Variants in MCM9 observed in about 807,000 individuals in gnomAD.
The protein encoded by MCM9 is minichromosome maintenance 9 homologous recombination repair factor.
Under a neutral mutation model 72.8 loss-of-function variants are expected in MCM9, and 55 were observed. The ratio of observed to expected loss-of-function variants is 0.76; its 90% CI spans 0.61 to 0.95. The LOEUF (loss-of-function observed/expected upper bound fraction) is 0.95, where lower values mean the gene tolerates loss of function less well. MCM9 is among the 40% of genes least tolerant of loss of function. The pLI is 0.00. For synonymous variants in MCM9, 480 were observed against 503.4 expected (o/e 0.95, Z 0.62); for missense variants, 1,279 against 1,377.0 (o/e 0.93, Z 1.13).
At chr6:118,872,639 A>G (rs1285109129) in intron 8 of MCM9, among the ~76,000 whole-genome samples, 1 of 152,086 alleles carries the variant, frequency 6.6e-6, no homozygotes, top group Non-Finnish European at 1.5e-5. Context: ...ACAGAAAAAA[A>G]AGTTTTTAAA....
At chr6:118,865,612 G>A (rs1777169688) in intron 8 of MCM9, among the ~76,000 whole-genome samples, 1 of 152,170 alleles carries the variant, frequency 6.6e-6, no homozygotes, top group Non-Finnish European at 1.5e-5. Flanking sequence ...TTGCACTGGG[G>A]AGCTAACAGG....
intron 9 of MCM9, among the ~76,000 whole-genome samples, chr6:118,847,376 G>A (rs1346564356): frequency 2.3e-5 from 3 of 130,424 alleles, no homozygotes; most frequent in Non-Finnish European, 4.6e-5. Flanking sequence ...CTACCATTAT[G>A]TAATATACCC....
At chr6:118,902,061 A>ATACAGAGCTAAGAGCT (rs1210478590) in intron 8 of MCM9, among the ~76,000 whole-genome samples, 1 of 152,232 alleles carries the variant, frequency 6.6e-6, no homozygotes, top group African/African-American at 2.4e-5. Flanking sequence ...GTATCTAAAG[A>ATACAGAGCTAAGAGCT]AATAGCTAAG....
At position 118,814,035 on chromosome 6, in the gene MCM9, C is replaced by T. The variant is rs894275409; in HGVS notation, c.*789G>A. ...CAGCCTCCCCGAGTAGCTAGGACTA[C>T]AGGAGTGAGTCACTGTGCCTGGCTC... On this transcript the variant is annotated 3_prime_UTR_variant, in exon 14 of 14. Coordinates refer to ENST00000619706, the MANE Select transcript of MCM9 (RefSeq NM_017696.3). 6.6e-6 allele frequency: 1 copy of T among 152,224 alleles called. No homozygotes were observed. The highest frequency in any genetic ancestry group is 1.5e-5 in the Non-Finnish European group (1 of 68,092). 9.4% of individuals were successfully genotyped at this position (152,224 alleles called of 1,614,324 possible).
chr6:118,844,502 C>T (rs1345733367), intron 9 of MCM9, among the ~76,000 whole-genome samples: 3 of 150,960 alleles, frequency 2.0e-5, no homozygotes, highest in Non-Finnish European at 2.9e-5. Context: ...ATTCTTGTAC[C>T]TTTCTGTAAG....
At chr6:118,882,209 G>T (rs1208256734) in intron 8 of MCM9, among the ~76,000 whole-genome samples, 2 of 152,208 alleles carry the variant, frequency 1.3e-5, no homozygotes, top group Admixed American at 6.5e-5. Context: ...AAGCCAATAA[G>T]GGCAGAGGCT....
chr6:118,906,514 A>G (rs1399991795), intron 8 of MCM9, among the ~76,000 whole-genome samples: 1 of 152,186 alleles, frequency 6.6e-6, no homozygotes, highest in Non-Finnish European at 1.5e-5. Flanking sequence ...TTCAATGATG[A>G]TATTTTTGTG....
intron 8 of MCM9, among the ~76,000 whole-genome samples, chr6:118,872,441 C>T (rs935639238): frequency 3.3e-5 from 5 of 151,360 alleles, no homozygotes; most frequent in Non-Finnish European, 7.4e-5. Context: ...AATTTAAAAA[C>T]ATTTTCAACT....
At chr6:118,899,368 C>A (rs1779653407) in intron 8 of MCM9, among the ~76,000 whole-genome samples, 1 of 152,140 alleles carries the variant, frequency 6.6e-6, no homozygotes, top group African/African-American at 2.4e-5. Flanking sequence ...GGGTTTGGTG[C>A]TTTCCTCCTT....
chr6:118,862,425 T>C (rs947953209), intron 8 of MCM9, among the ~76,000 whole-genome samples: 6 of 152,218 alleles, frequency 3.9e-5, no homozygotes, highest in Admixed American at 6.5e-5. Context: ...ATGAAATAAT[T>C]ATACAACTCA....
intron 9 of MCM9, among the ~76,000 whole-genome samples, chr6:118,855,519 C>A (rs1205023406): frequency 6.6e-6 from 1 of 151,880 alleles, no homozygotes; most frequent in African/African-American, 2.4e-5. Context: ...TACTCTCCCC[C>A]CCTCCCTCTA....
chr6:118,922,461 T>G lies in MCM9; in HGVS notation c.622-375A>C, dbSNP rs573615583. Among the ~76,000 whole-genome samples, 30 of 152,322 alleles carry G rather than the reference T, an allele frequency of 2.0e-4. No individual in the cohort carries two copies. In the South Asian group the frequency reaches 6.2e-3, roughly 32 times the overall value. On this transcript the variant is annotated intron_variant, in intron 4 of 13. Transcript: ENST00000619706. The stretch of plus-strand genomic sequence containing the variant: ...TCACCCAGTCCCTATGATTACTCCT[T>G]AGTAACAGAACCCTAGTTTTATTCC...
chr6:118,863,245 G>C (rs536958925), intron 8 of MCM9, among the ~76,000 whole-genome samples: 1 of 152,258 alleles, frequency 6.6e-6, no homozygotes, highest in East Asian at 1.9e-4. Flanking sequence ...AGGACAAGGA[G>C]AAATTAGGAA....
Position 118,814,695 on chromosome 6 carries a change from G to A in MCM9, c.*129C>T, listed in dbSNP as rs536994465. 1.2e-4 allele frequency: 105 copies of A among 880,460 alleles called. No individual in the cohort carries two copies. The African/African-American group carries it at 1.7e-3, about 14-fold the overall frequency. The allele number at this position is 880,460 out of a possible 1,614,324, so 54.5% of individuals were successfully genotyped here. ...AACCTGAAATTAGAAAGCCTTAAGG[G>A]GGAGCCAGTATTCAGAGTGATCCTC... On this transcript the variant is annotated 3_prime_UTR_variant, in exon 14 of 14. Coordinates refer to ENST00000619706, the MANE Select transcript of MCM9 (RefSeq NM_017696.3).
intron 5 of MCM9, chr6:118,917,990 T>C (rs1464162110): frequency 1.7e-5 from 9 of 544,984 alleles, no homozygotes; most frequent in Middle Eastern, 4.9e-4. Flanking sequence ...GTATTTCCTA[T>C]TTTTCATAAC....
chr6:118,826,333 C>A (rs749830858), intron 12 of MCM9, 41 bp from the exon 13 acceptor site: 5 of 1,535,556 alleles, frequency 3.3e-6, no homozygotes, highest in East Asian at 2.4e-5. Context: ...ACCAGGCCAG[C>A]CTGCATAGCG....
intron 8 of MCM9, among the ~76,000 whole-genome samples, chr6:118,860,468 A>G (rs1371433784): frequency 2.0e-5 from 3 of 152,220 alleles, no homozygotes; most frequent in Non-Finnish European, 4.4e-5. Flanking sequence ...TGGGACAACT[A>G]CAAAAGGTGT....
At chr6:118,921,212 G>A (rs760033597) in intron 5 of MCM9, 5 of 152,108 alleles carry the variant, frequency 3.3e-5, no homozygotes, top group African/African-American at 1.2e-4. Context: ...TTGTCTATGA[G>A]AAAAAGAACT....
intron 5 of MCM9, chr6:118,921,305 G>T (rs1781405823): frequency 6.6e-6 from 1 of 152,152 alleles, no homozygotes; most frequent in African/African-American, 2.4e-5. Context: ...TTACCCCACT[G>T]AAACCCAACA....
Sources: gnomAD v4.1 joint callset for allele counts (sites outside exome capture counted in the v4.1 genomes callset) on GRCh38, gnomAD v4.1.1 for gene constraint, MANE v1.5 for transcripts, NCBI Gene and HGNC (gene_info 2026-07-23, HGNC 2026-07-21) for gene names.